UGGT2: variants seen among roughly 807,000 people sequenced by gnomAD.
UGGT2 encodes UDP-glucose:glycoprotein glucosyltransferase 2.
In UGGT2, 180 loss-of-function variants were observed where a neutral mutation model predicts 192.1. The ratio of observed to expected loss-of-function variants is 0.94; its 90% CI spans 0.83 to 1.06. UGGT2 has a LOEUF of 1.06. Among genes scored for constraint, UGGT2 ranks in the 50% least tolerant of loss-of-function variants. UGGT2 has a pLI of 0.00. For synonymous variants in UGGT2, 580 were observed against 591.0 expected (o/e 0.98, Z 0.27); for missense variants, 1,849 against 1,795.7 (o/e 1.03, Z -0.54).
Position 95,835,573 on chromosome 13 carries a change from T to C in UGGT2, c.4401+1513A>G, listed in dbSNP as rs537088953. Reference sequence around the variant, plus strand: ...ATGCTGGCATGCTATTTTTAAAATATGTATTTCTATACATGTCTGAAAAAG... The same window carrying C: ...ATGCTGGCATGCTATTTTTAAAATACGTATTTCTATACATGTCTGAAAAAG... On this transcript the variant is annotated intron_variant, in intron 37 of 38. Transcript: ENST00000376747. Among the ~76,000 whole-genome samples, 10 of 152,370 alleles carry C rather than the reference T, an allele frequency of 6.6e-5. No homozygotes were observed. In the South Asian group the frequency reaches 1.2e-3, roughly 19 times the overall value.
At chr13:95,818,710 G>A (rs537938451) in intron 38 of UGGT2, among the ~76,000 whole-genome samples, 2 of 152,300 alleles carry the variant, frequency 1.3e-5, no homozygotes, top group Admixed American at 6.5e-5. Context: ...GGGAGGCAGA[G>A]AGAGAAAGCT....
chr13:95,949,317 T>C lies in UGGT2; in HGVS notation c.1455+18A>G, dbSNP rs2049983285. The C allele has an allele frequency of 1.3e-6, 2 of 1,498,670 alleles. No individual in the cohort carries two copies. Among genetic ancestry groups the C allele is most frequent in the African/African-American group, 2.8e-5 (2 of 70,506 alleles). 92.8% of individuals were successfully genotyped at this position (1,498,670 alleles called of 1,614,324 possible). ...ATCTTTATAAGATATATATGTATAA[T>C]CAAAATATAAAACTCACCAAATTAT... is the stretch of plus-strand genomic sequence containing the variant. On this transcript the variant is annotated intron_variant, in intron 13 of 38. Coordinates refer to ENST00000376747, the MANE Select transcript of UGGT2 (RefSeq NM_020121.4).
At chr13:95,982,127 G>A (rs2051145696) in intron 10 of UGGT2, among the ~76,000 whole-genome samples, 1 of 152,174 alleles carries the variant, frequency 6.6e-6, no homozygotes, top group Non-Finnish European at 1.5e-5. Flanking sequence ...TGGCCATAGT[G>A]GCCCTGAGTA....
intron 2 of UGGT2, among the ~76,000 whole-genome samples, chr13:96,028,774 A>G (rs1000566983): frequency 6.6e-5 from 10 of 152,196 alleles, no homozygotes; most frequent in Admixed American, 3.9e-4. Flanking sequence ...ATGGAGATTC[A>G]ACAACCTAAA....
intron 36 of UGGT2, among the ~76,000 whole-genome samples, chr13:95,851,888 A>C (rs1476632389): frequency 2.6e-5 from 4 of 151,752 alleles, no homozygotes; most frequent in Non-Finnish European, 4.4e-5. Context: ...CATATTTAAG[A>C]CTAAGAATTC....
intron 15 of UGGT2, among the ~76,000 whole-genome samples, chr13:95,944,707 T>A (rs752658037): frequency 4.7e-4 from 72 of 152,074 alleles, no homozygotes; most frequent in Non-Finnish European, 8.5e-4. Flanking sequence ...TCTGAATGGT[T>A]AACTAGTTCT....
intron 26 of UGGT2, among the ~76,000 whole-genome samples, chr13:95,886,314 G>A (rs1421262250): frequency 6.6e-6 from 1 of 152,126 alleles, no homozygotes; most frequent in Admixed American, 6.5e-5. Context: ...CTTGATATAT[G>A]CTACTGAGTT....
intron 27 of UGGT2, among the ~76,000 whole-genome samples, chr13:95,880,884 AC>A (rs2047473001): frequency 1.3e-5 from 2 of 152,194 alleles, no homozygotes; most frequent in Admixed American, 1.3e-4. Context: ...ATATAAAAAA[AC>A]AAAACATGGC....
At chr13:96,042,388 C>T (rs935273774) in intron 1 of UGGT2, among the ~76,000 whole-genome samples, 1 of 152,136 alleles carries the variant, frequency 6.6e-6, no homozygotes, top group African/African-American at 2.4e-5. Context: ...CTAGACCTTC[C>T]CTCTGACAGA....
intron 17 of UGGT2, among the ~76,000 whole-genome samples, chr13:95,929,833 T>C (rs183142480): frequency 2.0e-5 from 3 of 149,576 alleles, no homozygotes; most frequent in Admixed American, 6.6e-5. Context: ...ATGGTAGTTC[T>C]GTTTTAAGTT....
intron 20 of UGGT2, among the ~76,000 whole-genome samples, chr13:95,921,407 A>C (rs1457467343): frequency 6.6e-6 from 1 of 151,740 alleles, no homozygotes; most frequent in Non-Finnish European, 1.5e-5. Flanking sequence ...TGTTTTCCAG[A>C]TAGTGGATAG....
chr13:95,952,734 T>C (rs2050105931), intron 12 of UGGT2, among the ~76,000 whole-genome samples: 1 of 152,000 alleles, frequency 6.6e-6, no homozygotes, highest in Non-Finnish European at 1.5e-5. Flanking sequence ...AATATGAAAA[T>C]CATAGCTTAT....
intron 11 of UGGT2, among the ~76,000 whole-genome samples, chr13:95,971,413 G>A (rs955267816): frequency 4.6e-5 from 7 of 152,088 alleles, no homozygotes; most frequent in Admixed American, 6.6e-5. Flanking sequence ...GTAGCACTAA[G>A]CAGTGATCAA....
rs999558019 is a variant in UGGT2, at chr13:95,828,685, C to T, written c.4528+4242G>A. ...ATTGAGGCAATAATTAAGAGCCTAC[C>T]AACCAAAAAAAACTCCAGGACCAGA... On this transcript the variant is annotated intron_variant, in intron 38 of 38. Transcript: ENST00000376747. 2.0e-5 allele frequency among the ~76,000 whole-genome samples: 3 copies of T among 151,934 alleles called. 1 individual carries two copies. The highest frequency in any genetic ancestry group is 7.3e-5 in the African/African-American group (3 of 41,376).
At chr13:95,831,792 A>AT (rs1260764703) in intron 38 of UGGT2, among the ~76,000 whole-genome samples, 1 of 152,014 alleles carries the variant, frequency 6.6e-6, no homozygotes, top group Non-Finnish European at 1.5e-5. Flanking sequence ...AGAAATACTT[A>AT]TATATAAGAA....
At chr13:95,916,242 T>C (rs900569985) in intron 20 of UGGT2, among the ~76,000 whole-genome samples, 2 of 152,190 alleles carry the variant, frequency 1.3e-5, no homozygotes, top group Non-Finnish European at 2.9e-5. Context: ...TGGTGATACC[T>C]CTGGGTACAG....
At chr13:96,024,705 T>C (rs746772282) in intron 2 of UGGT2, among the ~76,000 whole-genome samples, 32 of 152,320 alleles carry the variant, frequency 2.1e-4, no homozygotes, top group South Asian at 2.1e-4. Context: ...CACTGGGTTA[T>C]CAAGTGATGG....
chr13:95,977,617 A>G (rs189454560), intron 10 of UGGT2, among the ~76,000 whole-genome samples: 7 of 152,344 alleles, frequency 4.6e-5, no homozygotes, highest in Non-Finnish European at 1.0e-4. Flanking sequence ...TAGTTAAACC[A>G]TTGTAGAAGA....
intron 5 of UGGT2, among the ~76,000 whole-genome samples, chr13:96,003,909 C>T (rs943599476): frequency 6.6e-6 from 1 of 152,134 alleles, no homozygotes; most frequent in Non-Finnish European, 1.5e-5. Context: ...GACACAGACA[C>T]AGCATCTAAT....
Sources: allele counts gnomAD v4.1 joint callset (sites outside exome capture counted in the v4.1 genomes callset), GRCh38; gene constraint gnomAD v4.1.1; transcripts MANE v1.5; gene names NCBI Gene and HGNC (gene_info 2026-07-23, HGNC 2026-07-21).